The following GABRB1 variants were observed in gnomAD, a reference collection of about 807,000 sequenced individuals.
GABRB1 encodes the protein gamma-aminobutyric acid type A receptor subunit beta1, also known as gamma-aminobutyric acid receptor subunit beta-1.
In GABRB1, 17 loss-of-function variants were observed where a neutral mutation model predicts 51.6. The ratio of observed to expected loss-of-function variants is 0.33; its 90% CI spans 0.23 to 0.49. The LOEUF (loss-of-function observed/expected upper bound fraction) is 0.49. GABRB1 is among the 20% of genes least tolerant of loss of function. The pLI is 0.99. For synonymous variants in GABRB1, 247 were observed against 218.9 expected, an observed-to-expected ratio of 1.13 and a Z score of -1.14; for missense variants, 410 against 600.6, an observed-to-expected ratio of 0.68 and a Z score of 3.32.
At chr4:47,318,558 G>A (rs1169486306) in intron 4 of GABRB1, among the ~76,000 whole-genome samples, 1 of 151,998 alleles carries the variant, frequency 6.6e-6, no homozygotes, top group Non-Finnish European at 1.5e-5. Flanking sequence ...ACATTCAGCA[G>A]GTAGCATATA....
At chr4:47,019,678 TC>T (rs1302840699) in intron 1 of GABRB1, among the ~76,000 whole-genome samples, 8 of 141,258 alleles carry the variant, frequency 5.7e-5, no homozygotes, top group Admixed American at 2.2e-4. Context: ...TTTCTTTCTT[TC>T]CTTCTTTCCT....
chr4:47,421,370 C>T (rs930188428), intron 8 of GABRB1, among the ~76,000 whole-genome samples: 1 of 152,120 alleles, frequency 6.6e-6, no homozygotes, highest in African/African-American at 2.4e-5. Context: ...CGATTCTAAA[C>T]TCTAGCAACT....
chr4:47,285,443 G>A (rs771796137), intron 4 of GABRB1, among the ~76,000 whole-genome samples: 4 of 152,086 alleles, frequency 2.6e-5, no homozygotes, highest in Admixed American at 6.5e-5. Flanking sequence ...TATATAGAAC[G>A]TACAATGAAT....
rs188888602 is a variant in GABRB1 at position 47,317,823 on chromosome 4, T to C, written c.462-2304T>C. Among the ~76,000 whole-genome samples the C allele has an allele frequency of 3.0e-4, 45 of 152,000 alleles. 1 individual carries two copies. The highest frequency in any genetic ancestry group is 2.9e-5 in the Non-Finnish European group (2 of 67,798). On this transcript the variant is annotated intron_variant, in intron 4 of 8. Coordinates refer to ENST00000295454, the MANE Select transcript of GABRB1 (RefSeq NM_000812.4). ...CAAATGACCAAAGCAATAACTCACCTTGGAAGCCTCAAAAATACTCTGATA... is the reference window on the plus strand; with the variant it reads ...CAAATGACCAAAGCAATAACTCACCCTGGAAGCCTCAAAAATACTCTGATA...
intron 4 of GABRB1, among the ~76,000 whole-genome samples, chr4:47,216,938 G>T (rs555202995): frequency 1.3e-5 from 2 of 151,702 alleles, no homozygotes; most frequent in African/African-American, 4.8e-5. Flanking sequence ...AAGAAAATTT[G>T]CAAATAACCT....
At chr4:47,300,656 T>G (rs1337000533) in intron 4 of GABRB1, among the ~76,000 whole-genome samples, 1 of 152,102 alleles carries the variant, frequency 6.6e-6, no homozygotes, top group Non-Finnish European at 1.5e-5. Flanking sequence ...GTGGGTACAT[T>G]GTAGGTGTAT....
chr4:47,195,394 T>TGATA lies in GABRB1; in HGVS notation c.461+33973_461+33976dup, dbSNP rs201594236. 4.6e-3 allele frequency among the ~76,000 whole-genome samples: 420 copies of TGATA among 92,182 alleles called. 1 individual carries two copies. The highest frequency in any genetic ancestry group is 4.4e-3 in the Non-Finnish European group (186 of 41,988). The allele number at this position is 92,182 out of a possible 152,430, so 60.5% of individuals were successfully genotyped here. On this transcript the variant is annotated intron_variant, in intron 4 of 8. Transcript: ENST00000295454. ...ATAAATAAATAGATAGATAGATAGA[T>TGATA]GATAGATAGATAGATAGATAGATAG... is the stretch of plus-strand genomic sequence containing the variant.
chr4:47,308,478 T>C (rs1724548849), intron 4 of GABRB1, among the ~76,000 whole-genome samples: 1 of 152,104 alleles, frequency 6.6e-6, no homozygotes, highest in Admixed American at 6.6e-5. Flanking sequence ...TTTGGTTTTG[T>C]TTGTTTTTTC....
intron 4 of GABRB1, among the ~76,000 whole-genome samples, chr4:47,220,243 T>C (rs1720718066): frequency 6.6e-6 from 1 of 151,946 alleles, no homozygotes; most frequent in South Asian, 2.1e-4. Context: ...TTTAAGGTGT[T>C]TAAGGACCTT....
chr4:47,108,566 G>C (rs1715080966), intron 3 of GABRB1, among the ~76,000 whole-genome samples: 1 of 151,920 alleles, frequency 6.6e-6, no homozygotes. Context: ...AGAAAGCTAA[G>C]GGAATCTTCC....
In GABRB1 at chr4:47,159,513, T is replaced by A. The variant is rs895748875; in HGVS notation, c.241-1736T>A. On this transcript the variant is annotated intron_variant, in intron 3 of 8. Transcript: ENST00000295454. ...ACTGTAAGTAGCCTGAGGGTTATTT[T>A]TTTTTTTTTACATGAAGGTAAGGTG... 4.1e-4 allele frequency among the ~76,000 whole-genome samples: 62 copies of A among 151,870 alleles called. 1 individual carries two copies. Among genetic ancestry groups the A allele is most frequent in the African/African-American group, 1.5e-3 (61 of 41,480 alleles).
intron 5 of GABRB1, among the ~76,000 whole-genome samples, chr4:47,355,501 T>C (rs1462705967): frequency 1.3e-5 from 2 of 152,018 alleles, no homozygotes; most frequent in African/African-American, 4.8e-5. Context: ...AGAAAGAATG[T>C]GAAGGTGGGG....
intron 8 of GABRB1, among the ~76,000 whole-genome samples, chr4:47,407,216 A>G (rs1728607549): frequency 6.6e-6 from 1 of 152,228 alleles, no homozygotes; most frequent in Non-Finnish European, 1.5e-5. Flanking sequence ...TGGTAAATAA[A>G]TGAGAGAACT....
At chr4:47,282,693 G>A (rs1723338045) in intron 4 of GABRB1, among the ~76,000 whole-genome samples, 1 of 152,092 alleles carries the variant, frequency 6.6e-6, no homozygotes, top group South Asian at 2.1e-4. Context: ...ACAAAAGAAA[G>A]AAAAATCTTT....
chr4:47,096,843 A>G (rs1714463256), intron 3 of GABRB1, among the ~76,000 whole-genome samples: 1 of 152,184 alleles, frequency 6.6e-6, no homozygotes, highest in African/African-American at 2.4e-5. Context: ...AAAAGGCAAG[A>G]GACAGATTCT....
chr4:47,302,251 T>C (rs190668916), intron 4 of GABRB1, among the ~76,000 whole-genome samples: 1 of 152,254 alleles, frequency 6.6e-6, no homozygotes, highest in Admixed American at 6.5e-5. Flanking sequence ...ATTTTCCTAT[T>C]TCTAGTTGCT....
At chr4:47,100,288 G>A (rs1297854619) in intron 3 of GABRB1, among the ~76,000 whole-genome samples, 1 of 151,944 alleles carries the variant, frequency 6.6e-6, no homozygotes, top group East Asian at 1.9e-4. Context: ...ATACCTAATA[G>A]CCTAAAACGA....
chr4:47,088,512 A>C (rs1577896791), intron 3 of GABRB1, among the ~76,000 whole-genome samples: 1 of 152,200 alleles, frequency 6.6e-6, no homozygotes, highest in Non-Finnish European at 1.5e-5. Context: ...ATGTTTGCAC[A>C]GTCAGGCTTA....
intron 4 of GABRB1, among the ~76,000 whole-genome samples, chr4:47,293,072 C>T (rs184353455): frequency 1.1e-4 from 16 of 152,200 alleles, no homozygotes; most frequent in African/African-American, 3.6e-4. Flanking sequence ...ATATCAATAA[C>T]ATTTTACCTA....
Sources: gnomAD v4.1 joint callset for allele counts (sites outside exome capture counted in the v4.1 genomes callset) on GRCh38, gnomAD v4.1.1 for gene constraint, MANE v1.5 for transcripts, NCBI Gene and HGNC (gene_info 2026-07-23, HGNC 2026-07-21) for gene names.